CBFA2T3: variants seen among roughly 807,000 people sequenced by gnomAD.
CBFA2T3 encodes the protein CBFA2/RUNX1 partner transcriptional co-repressor 3.
A neutral mutation model predicts 58.6 loss-of-function variants in CBFA2T3; 31 were observed. The ratio of observed to expected loss-of-function variants is 0.53; its 90% CI spans 0.40 to 0.71. CBFA2T3 has a LOEUF of 0.71. Among genes scored for constraint, CBFA2T3 ranks in the 30% least tolerant of loss-of-function variants. The pLI is 0.00. For missense variants in CBFA2T3, 1,076 were observed against 963.1 expected (o/e 1.12, Z -1.55); for synonymous variants, 531 against 421.9 (o/e 1.26, Z -3.17).
chr16:88,893,483 A>C (rs1286854151), intron 3 of CBFA2T3, among the ~76,000 whole-genome samples: 1 of 152,186 alleles, frequency 6.6e-6, no homozygotes, highest in African/African-American at 2.4e-5. Context: ...CTTCATTTGC[A>C]CACAGCCCCA....
At chr16:88,897,571 C>T (rs1042293897) in intron 3 of CBFA2T3, among the ~76,000 whole-genome samples, 10 of 152,350 alleles carry the variant, frequency 6.6e-5, no homozygotes, top group East Asian at 1.9e-4. Flanking sequence ...CACCATCTGA[C>T]GGCTCCTGGA....
chr16:88,914,157 C>T (rs1202322315), intron 1 of CBFA2T3, among the ~76,000 whole-genome samples: 1 of 152,254 alleles, frequency 6.6e-6, no homozygotes, highest in African/African-American at 2.4e-5. Context: ...CGGTCTCTCA[C>T]AAACGCGGTG....
intron 1 of CBFA2T3, among the ~76,000 whole-genome samples, chr16:88,904,093 G>A (rs938455088): frequency 3.3e-5 from 5 of 151,800 alleles, no homozygotes; most frequent in Admixed American, 2.0e-4. Context: ...AGGGCTCATG[G>A]CCACCACCTG....
rs572559450 is a variant in CBFA2T3 at position 88,958,179 on chromosome 16, G to C, written c.151+18478C>G. 1.3e-5 allele frequency among the ~76,000 whole-genome samples: 2 copies of C among 152,186 alleles called. No individual in the cohort carries two copies. Among genetic ancestry groups the C allele is most frequent in the African/African-American group, 4.8e-5 (2 of 41,444 alleles). On this transcript the variant is annotated intron_variant, in intron 1 of 11. Transcript: ENST00000268679. This position sits in a 1 kb window ranked among gnomAD's most constrained non-coding sequence, Gnocchi z 4.0. The stretch of plus-strand genomic sequence containing the variant: ...CCGTAGGAAGCCTGGTCAGGCTGTC[G>C]GGGCCTCAGACGGCAGAAACCTATC...
chr16:88,888,599 G>GGGGGAAGGGTGCA (rs1969494204), intron 5 of CBFA2T3, among the ~76,000 whole-genome samples: 1 of 41,038 alleles, frequency 2.4e-5, no homozygotes, highest in Non-Finnish European at 4.7e-5. Context: ...GGGGTGGGGT[G>GGGGGAAGGGTGCA]GGTGGGAGGG....
At chr16:88,967,089 C>A (rs1056523437) in intron 1 of CBFA2T3, among the ~76,000 whole-genome samples, 13 of 151,644 alleles carry the variant, frequency 8.6e-5, no homozygotes, top group African/African-American at 3.1e-4. Context: ...GAGAACAGTG[C>A]GCTGGTGTGT....
intron 1 of CBFA2T3, among the ~76,000 whole-genome samples, chr16:88,902,034 C>T (rs974859729): frequency 9.2e-5 from 14 of 152,206 alleles, no homozygotes; most frequent in Non-Finnish European, 1.8e-4. Flanking sequence ...GGTGTTCAGA[C>T]AGACCTCAGC....
At chr16:88,940,357 C>T (rs1224162678) in intron 1 of CBFA2T3, 1 of 153,406 alleles carries the variant, frequency 6.5e-6, no homozygotes, top group Admixed American at 6.5e-5. Flanking sequence ...CCGTCTAGGG[C>T]TGCGTTTCCA....
chr16:88,894,196 CACACAATGT>C (rs1969771339), intron 3 of CBFA2T3, among the ~76,000 whole-genome samples: 1 of 148,850 alleles, frequency 6.7e-6, no homozygotes. Flanking sequence ...TATACACATG[CACACAATGT>C]ACACACATGC....
chr16:88,933,315 A>T (rs1971381596), intron 1 of CBFA2T3, among the ~76,000 whole-genome samples: 1 of 141,024 alleles, frequency 7.1e-6, no homozygotes, highest in Non-Finnish European at 1.5e-5. Context: ...TATACGCCTC[A>T]CACGCCTCAC....
intron 1 of CBFA2T3, among the ~76,000 whole-genome samples, chr16:88,974,290 G>T (rs1295958254): frequency 6.6e-6 from 1 of 152,140 alleles, no homozygotes; most frequent in Non-Finnish European, 1.5e-5. Flanking sequence ...ACCCAGCACC[G>T]CAAGCACCGT....
chr16:88,965,930 C>G lies in CBFA2T3; in HGVS notation c.151+10727G>C, dbSNP rs74033223. 9.3e-3 allele frequency among the ~76,000 whole-genome samples: 1,418 copies of G among 152,342 alleles called. 24 individuals carry two copies. The highest frequency in any genetic ancestry group is 0.033 in the African/African-American group (1,376 of 41,568). On this transcript the variant is annotated intron_variant, in intron 1 of 11. Coordinates refer to ENST00000268679, the MANE Select transcript of CBFA2T3 (RefSeq NM_005187.6). ...CCTGGTGCTTGGCACCTGACAGGTCCTCTCCACTGTGCCCGGTCCCTCCTC... is the reference window on the plus strand; with the variant it reads ...CCTGGTGCTTGGCACCTGACAGGTCGTCTCCACTGTGCCCGGTCCCTCCTC...
Position 88,875,116 on chromosome 16 carries a change from C to A in CBFA2T3, c.*1860G>T, listed in dbSNP as rs1280524386. 1 of 235,732 alleles carries A rather than the reference C, an allele frequency of 4.2e-6. No homozygotes were observed. Among genetic ancestry groups the A allele is most frequent in the Non-Finnish European group, 8.4e-6 (1 of 119,710 alleles). The allele number at this position is 235,732 out of a possible 1,614,324, so 14.6% of individuals were successfully genotyped here. A position where few individuals can be genotyped will look rare whatever the true frequency, so the allele number is the denominator to read the frequency against. On this transcript the variant is annotated 3_prime_UTR_variant, in exon 12 of 12. Coordinates refer to ENST00000268679, the MANE Select transcript of CBFA2T3 (RefSeq NM_005187.6). ...AGATGCCAGGCCACGGGCCACGCCA[C>A]ACACACAGATGCCAGGCCACGGGCC...
intron 1 of CBFA2T3, among the ~76,000 whole-genome samples, chr16:88,974,771 C>G (rs1271597733): frequency 6.6e-6 from 1 of 152,074 alleles, no homozygotes; most frequent in Non-Finnish European, 1.5e-5. Flanking sequence ...TTCCCATGCC[C>G]CCCATGGCCC....
rs71395355 is a variant in CBFA2T3, at chr16:88,958,259, A to G, written c.151+18398T>C. Among the ~76,000 whole-genome samples, 19,741 of 151,798 alleles carry G rather than the reference A, an allele frequency of 0.13. 1,572 individuals carry two copies. The highest frequency in any genetic ancestry group is 0.22 in the Middle Eastern group (63 of 290). Reference sequence around the variant, plus strand: ...ATGGCAGAAGAGCTTCGAGAGCCCAAAGCTCCCAGGGAAGCTTTGAGCTTC... The same window carrying G: ...ATGGCAGAAGAGCTTCGAGAGCCCAGAGCTCCCAGGGAAGCTTTGAGCTTC... On this transcript the variant is annotated intron_variant, in intron 1 of 11. Transcript: ENST00000268679. The surrounding 1 kb of genome is among the most constrained non-coding windows in gnomAD (Gnocchi z 4.0).
At chr16:88,895,638 G>A (rs1597687469) in intron 3 of CBFA2T3, among the ~76,000 whole-genome samples, 1 of 152,144 alleles carries the variant, frequency 6.6e-6, no homozygotes. Flanking sequence ...GTGTGCCCAC[G>A]ACTGCCTCCC....
At chr16:88,886,329 A>G (rs1443130406) in intron 5 of CBFA2T3, 187 bp from the exon 6 acceptor site, 5 of 272,750 alleles carry the variant, frequency 1.8e-5, no homozygotes, top group Non-Finnish European at 3.5e-5. Flanking sequence ...GTGGCGTGGG[A>G]GGGTGGGCAC....
At chr16:88,918,822 T>C (rs1970821650) in intron 1 of CBFA2T3, among the ~76,000 whole-genome samples, 1 of 152,142 alleles carries the variant, frequency 6.6e-6, no homozygotes, top group Non-Finnish European at 1.5e-5. Flanking sequence ...GCCTCCAGGG[T>C]TGGTGCTGAG....
At position 88,944,113 on chromosome 16, in the gene CBFA2T3, G is replaced by A. The variant is rs577681755; in HGVS notation, c.151+32544C>T. 8.1e-4 allele frequency among the ~76,000 whole-genome samples: 124 copies of A among 152,172 alleles called. 1 individual carries two copies. The highest frequency in any genetic ancestry group is 2.1e-3 in the African/African-American group (86 of 41,520). Reference sequence around the variant, plus strand: ...AGCACTTTGGGAGGCCGAGGCCGGCGGATCATGAGGTCAGGAGATCAAGAC... The same window carrying A: ...AGCACTTTGGGAGGCCGAGGCCGGCAGATCATGAGGTCAGGAGATCAAGAC... On this transcript the variant is annotated intron_variant, in intron 1 of 11. Coordinates refer to ENST00000268679, the MANE Select transcript of CBFA2T3 (RefSeq NM_005187.6).
Sources: gnomAD v4.1 joint callset for allele counts (sites outside exome capture counted in the v4.1 genomes callset) on GRCh38, gnomAD v4.1.1 for gene constraint, Gnocchi (gnomAD v3.1) non-coding constraint, MANE v1.5 for transcripts, NCBI Gene and HGNC (gene_info 2026-07-23, HGNC 2026-07-21) for gene names.